The following AFG2A variants were observed in gnomAD, a reference collection of about 807,000 sequenced individuals.
AFG2A encodes the protein AAA ATPase AFG2A.
the AFG2A span, among the ~76,000 whole-genome samples, chr4:123,024,805 G>T: frequency 6.6e-6 from 1 of 152,258 alleles, no homozygotes; most frequent in South Asian, 2.1e-4. Context: ...AGGCCTTTTT[G>T]CAGGAAGAGG....
chr4:123,224,747 A>G, the AFG2A span, among the ~76,000 whole-genome samples: 3 of 152,142 alleles, frequency 2.0e-5, no homozygotes, highest in Non-Finnish European at 4.4e-5. Context: ...GGCTGGGTCA[A>G]ATGGTATTTC....
chr4:123,192,020 T>G, the AFG2A span, among the ~76,000 whole-genome samples: 1 of 151,958 alleles, frequency 6.6e-6, no homozygotes, highest in Non-Finnish European at 1.5e-5. Context: ...AATCATATAG[T>G]CTTTTCTTCT....
At chr4:122,981,501 A>ATGGT in the AFG2A span, among the ~76,000 whole-genome samples, 1 of 140,708 alleles carries the variant, frequency 7.1e-6, no homozygotes, top group Non-Finnish European at 1.5e-5. Context: ...CTTTGACTAT[A>ATGGT]TGGTGACTTT....
chr4:123,110,704 C>T, the AFG2A span, among the ~76,000 whole-genome samples: 6 of 152,232 alleles, frequency 3.9e-5, no homozygotes, highest in East Asian at 5.8e-4. Context: ...CACAGCACAC[C>T]GTGCTTTATG....
At chr4:123,272,853 T>C in the AFG2A span, among the ~76,000 whole-genome samples, 1 of 151,980 alleles carries the variant, frequency 6.6e-6, no homozygotes, top group Non-Finnish European at 1.5e-5. Context: ...AGAGAGATAG[T>C]GGTGGGGGCA....
the AFG2A span, among the ~76,000 whole-genome samples, chr4:123,051,825 C>T: frequency 6.1e-4 from 93 of 151,954 alleles, no homozygotes; most frequent in Non-Finnish European, 1.0e-3. Flanking sequence ...ATTGGATCTC[C>T]CTTATATGTT....
the AFG2A span, among the ~76,000 whole-genome samples, chr4:123,199,462 GTTTTTTTTTT>G: frequency 4.6e-4 from 22 of 47,444 alleles, no homozygotes; most frequent in African/African-American, 1.1e-3. Flanking sequence ...ATACTCAGAG[GTTTTTTTTTT>G]TTTTTTTTTT....
chr4:123,060,115 GGCAGCTCT>G, the AFG2A span, among the ~76,000 whole-genome samples: 1 of 152,134 alleles, frequency 6.6e-6, no homozygotes, highest in Admixed American at 6.5e-5. Flanking sequence ...CATGGTCTTG[GGCAGCTCT>G]GCCTCTGTAG....
chr4:122,999,661 G>A, the AFG2A span, among the ~76,000 whole-genome samples: 1 of 152,082 alleles, frequency 6.6e-6, no homozygotes, highest in Non-Finnish European at 1.5e-5. Flanking sequence ...CTGTTCCATT[G>A]ATCTATATCT....
chr4:123,259,338 G>T, the AFG2A span, among the ~76,000 whole-genome samples: 2 of 152,174 alleles, frequency 1.3e-5, no homozygotes, highest in Non-Finnish European at 2.9e-5. Context: ...CGTGGAGAGG[G>T]TATACAGAGA....
chr4:123,106,544 T>C, the AFG2A span, among the ~76,000 whole-genome samples: 1 of 152,182 alleles, frequency 6.6e-6, no homozygotes, highest in Non-Finnish European at 1.5e-5. Context: ...CAAAGGAAAA[T>C]GTCAGCTTTA....
At chr4:123,002,996 G>C in the AFG2A span, among the ~76,000 whole-genome samples, 3 of 152,102 alleles carry the variant, frequency 2.0e-5, no homozygotes, top group African/African-American at 7.2e-5. Flanking sequence ...TGGAGGCTTT[G>C]TTCATTTCTT....
the AFG2A span, among the ~76,000 whole-genome samples, chr4:123,011,843 G>T: frequency 6.6e-6 from 1 of 151,504 alleles, no homozygotes; most frequent in Non-Finnish European, 1.5e-5. Context: ...GTGAAGGGGT[G>T]GGGGGTGCTT....
the AFG2A span, among the ~76,000 whole-genome samples, chr4:123,071,255 T>A: frequency 6.6e-6 from 1 of 151,956 alleles, no homozygotes; most frequent in African/African-American, 2.4e-5. Context: ...CCAAGGCGGG[T>A]GGATCACCTA....
the AFG2A span, among the ~76,000 whole-genome samples, chr4:123,076,795 C>G: frequency 4.6e-5 from 7 of 152,076 alleles, no homozygotes; most frequent in Admixed American, 4.6e-4. Flanking sequence ...ATTTTGAACT[C>G]AGACCTATCT....
the AFG2A span, among the ~76,000 whole-genome samples, chr4:123,094,383 C>T: frequency 6.6e-6 from 1 of 151,986 alleles, no homozygotes; most frequent in Non-Finnish European, 1.5e-5. Context: ...TTTCCTTTGG[C>T]CGGGGAACGT....
the AFG2A span, among the ~76,000 whole-genome samples, chr4:123,043,612 T>A: frequency 6.6e-6 from 1 of 152,176 alleles, no homozygotes. Flanking sequence ...TCCTGGGAAA[T>A]TAATCATATC....
At chr4:123,238,647 G>A in the AFG2A span, among the ~76,000 whole-genome samples, 1 of 152,156 alleles carries the variant, frequency 6.6e-6, no homozygotes, top group Non-Finnish European at 1.5e-5. Flanking sequence ...AACATCAACA[G>A]AAAGGACTTC....
At chr4:123,022,900 T>C in the AFG2A span, among the ~76,000 whole-genome samples, 509 of 151,962 alleles carry the variant, frequency 3.3e-3, 2 homozygotes, top group Middle Eastern at 0.014. Flanking sequence ...ATGGATGAAA[T>C]TGGAAATCAT....
Sources: gnomAD v4.1 joint callset for allele counts (sites outside exome capture counted in the v4.1 genomes callset) on GRCh38, gnomAD v4.1.1 for gene constraint, MANE v1.5 for transcripts, NCBI Gene and HGNC (gene_info 2026-07-23, HGNC 2026-07-21) for gene names.